GNAL: variants seen among roughly 807,000 people sequenced by gnomAD.
GNAL encodes the protein guanine nucleotide-binding protein G(olf) subunit alpha.
GNAL carries 18 observed loss-of-function variants against 55.1 expected under a neutral mutation model. The observed-to-expected ratio is 0.33, with a 90% confidence interval of 0.23 to 0.48. GNAL has a LOEUF of 0.48. Among genes scored for constraint, GNAL ranks in the 20% least tolerant of loss-of-function variants. GNAL has a pLI of 0.99. For synonymous variants in GNAL, 253 were observed against 237.0 expected (o/e 1.07, Z -0.62); for missense variants, 412 against 614.1 (o/e 0.67, Z 3.48).
At chr18:11,794,759 TAAAAA>T (rs775143875) in intron 4 of GNAL, among the ~76,000 whole-genome samples, 2 of 90,370 alleles carry the variant, frequency 2.2e-5, no homozygotes, top group Non-Finnish European at 4.5e-5. Flanking sequence ...ACACACAGGT[TAAAAA>T]AAAAAAAAAA....
At chr18:11,872,457 TG>T in intron 10 of GNAL, 59 bp downstream of exon 10, 1 of 1,095,562 alleles carries the variant, frequency 9.1e-7, no homozygotes. Context: ...TTAATAGTCC[TG>T]TAACTCTAAT....
At position 11,752,341 on chromosome 18, in the gene GNAL, G is replaced by A. The variant is rs995260043; in HGVS notation, c.377-512G>A. 6.7e-7 allele frequency: 1 copy of A among 1,495,326 alleles called. No homozygotes were observed. The highest frequency in any genetic ancestry group is 8.9e-7 in the Non-Finnish European group (1 of 1,126,882). 92.6% of individuals were successfully genotyped at this position (1,495,326 alleles called of 1,614,324 possible). A position where few individuals can be genotyped will look rare whatever the true frequency, so the allele number is the denominator to read the frequency against. On this transcript the variant is annotated intron_variant, in intron 1 of 11. Transcript: ENST00000334049. The surrounding 1 kb of genome is among the most constrained non-coding windows in gnomAD (Gnocchi z 4.5). The stretch of plus-strand genomic sequence containing the variant: ...CCATCTCTTTCAGCAGCAGGAAAGA[G>A]AGGAGCCGTCGCAGGAGCCGCACAC...
intron 1 of GNAL, among the ~76,000 whole-genome samples, chr18:11,702,598 C>T (rs1481532059): frequency 6.6e-6 from 1 of 152,196 alleles, no homozygotes; most frequent in East Asian, 1.9e-4. Flanking sequence ...GTCCCAGGTT[C>T]TGTCAGGCTT....
At chr18:11,749,133 A>C (rs796937515) in intron 1 of GNAL, among the ~76,000 whole-genome samples, 19,078 of 150,216 alleles carry the variant, frequency 0.13, 1,705 homozygotes, top group East Asian at 0.28. Flanking sequence ...CTCAAAAAAA[A>C]AAAAAAAAAA....
At chr18:11,703,795 G>GTGCACA (rs1555641028) in intron 1 of GNAL, among the ~76,000 whole-genome samples, 38 of 141,498 alleles carry the variant, frequency 2.7e-4, no homozygotes, top group African/African-American at 9.2e-4. Context: ...GTGTTGATGG[G>GTGCACA]CACACACACA....
intron 4 of GNAL, among the ~76,000 whole-genome samples, chr18:11,801,478 G>A (rs905138601): frequency 2.6e-5 from 4 of 152,114 alleles, no homozygotes; most frequent in South Asian, 2.1e-4. Context: ...GCTTGAACCC[G>A]GGAGGCGGAC....
chr18:11,776,355 G>T (rs1009601712), intron 4 of GNAL, among the ~76,000 whole-genome samples: 4 of 152,086 alleles, frequency 2.6e-5, no homozygotes, highest in Non-Finnish European at 5.9e-5. Flanking sequence ...CAAAAAGAGG[G>T]TTCACACTTG....
At chr18:11,840,650 C>T (rs2035593694) in intron 5 of GNAL, among the ~76,000 whole-genome samples, 1 of 152,100 alleles carries the variant, frequency 6.6e-6, no homozygotes, top group Non-Finnish European at 1.5e-5. Context: ...TTGTTGACCA[C>T]GTGCTTCTCA....
chr18:11,830,427 C>T (rs954663415), intron 5 of GNAL, among the ~76,000 whole-genome samples: 4 of 151,722 alleles, frequency 2.6e-5, no homozygotes, highest in Non-Finnish European at 4.4e-5. Context: ...CATCTTGAAC[C>T]CTAGTGCTTA....
intron 7 of GNAL, among the ~76,000 whole-genome samples, 187 bp downstream of exon 7, chr18:11,864,793 A>G (rs1219601035): frequency 6.6e-6 from 1 of 152,238 alleles, no homozygotes; most frequent in African/African-American, 2.4e-5. Flanking sequence ...TTTAAAGTAG[A>G]AATGAGGACA....
intron 4 of GNAL, among the ~76,000 whole-genome samples, chr18:11,796,592 AAAAC>A (rs1237792293): frequency 3.4e-5 from 5 of 145,402 alleles, no homozygotes; most frequent in African/African-American, 5.3e-5. Flanking sequence ...AAAAAAAAAA[AAAAC>A]AAAACACGCA....
chr18:11,879,313 G>A (rs779462014), intron 11 of GNAL, among the ~76,000 whole-genome samples: 1 of 152,006 alleles, frequency 6.6e-6, no homozygotes, highest in Admixed American at 6.6e-5. Context: ...AAAAAGGAGT[G>A]GAGGGGATGA....
intron 4 of GNAL, among the ~76,000 whole-genome samples, chr18:11,765,767 C>G (rs1271675550): frequency 6.6e-6 from 1 of 152,128 alleles, no homozygotes; most frequent in Non-Finnish European, 1.5e-5. Flanking sequence ...GAATAATATT[C>G]CATTGTGTAT....
intron 1 of GNAL, among the ~76,000 whole-genome samples, chr18:11,740,877 T>G (rs1294077485): frequency 6.6e-6 from 1 of 152,256 alleles, no homozygotes; most frequent in African/African-American, 2.4e-5. Flanking sequence ...TCTGTGCCCC[T>G]TCCTCTTTGT....
chr18:11,861,448 A>C (rs149343340), intron 5 of GNAL, among the ~76,000 whole-genome samples: 1 of 152,270 alleles, frequency 6.6e-6, no homozygotes, highest in East Asian at 1.9e-4. Flanking sequence ...CACCATATTT[A>C]CTGGGGCCAG....
chr18:11,787,828 T>C (rs2034103672), intron 4 of GNAL, among the ~76,000 whole-genome samples: 1 of 149,746 alleles, frequency 6.7e-6, no homozygotes, highest in African/African-American at 2.5e-5. Context: ...GAGCCAAGAT[T>C]GCACCACTGC....
intron 1 of GNAL, among the ~76,000 whole-genome samples, chr18:11,728,337 T>C (rs1183616724): frequency 6.6e-6 from 1 of 152,156 alleles, no homozygotes; most frequent in African/African-American, 2.4e-5. Context: ...AGCCTGATGA[T>C]TTAAAAGGAC....
chr18:11,689,504 C>A lies in GNAL; in HGVS notation c.-60C>A. The A allele has an allele frequency of 1.2e-6, 1 of 841,376 alleles. No homozygotes were observed. The highest frequency in any genetic ancestry group is 1.6e-6 in the Non-Finnish European group (1 of 634,472). 52.1% of individuals were successfully genotyped at this position (841,376 alleles called of 1,614,324 possible). A position where few individuals can be genotyped will look rare whatever the true frequency, so the allele number is the denominator to read the frequency against. On this transcript the variant is annotated 5_prime_UTR_variant, in exon 1 of 12. Transcript: ENST00000334049. ...GCCTGAACTGGGCGCGGGAACCAGGCCGCCCTCGGCGCCCAGCCTGCCCTA... is the reference window on the plus strand; with the variant it reads ...GCCTGAACTGGGCGCGGGAACCAGGACGCCCTCGGCGCCCAGCCTGCCCTA...
intron 5 of GNAL, among the ~76,000 whole-genome samples, chr18:11,859,166 T>G (rs2036073554): frequency 6.6e-6 from 1 of 152,232 alleles, no homozygotes; most frequent in African/African-American, 2.4e-5. Context: ...TCCAGCTCTT[T>G]TCATCAGAGC....
Sources: gnomAD v4.1 joint callset for allele counts (sites outside exome capture counted in the v4.1 genomes callset) on GRCh38, gnomAD v4.1.1 for gene constraint, Gnocchi (gnomAD v3.1) non-coding constraint, MANE v1.5 for transcripts, NCBI Gene and HGNC (gene_info 2026-07-23, HGNC 2026-07-21) for gene names.